CNTLN: variants seen among roughly 807,000 people sequenced by gnomAD.
The protein encoded by CNTLN is centlein, centrosomal protein.
Under a neutral mutation model 180.0 loss-of-function variants are expected in CNTLN, and 212 were observed. The observed-to-expected ratio is 1.18, with a 90% CI of 1.05 to 1.32. CNTLN has a LOEUF of 1.32. Among genes scored for constraint, CNTLN ranks in the 40% most tolerant of loss-of-function variants. The probability of loss-of-function intolerance (pLI) is 0.00; values close to 1 mark genes in which losing one functional copy is unlikely to be tolerated. For missense variants in CNTLN, 2,095 were observed against 1,610.9 expected, an observed-to-expected ratio of 1.30 and a Z score of -5.14; for synonymous variants, 722 against 563.1, an observed-to-expected ratio of 1.28 and a Z score of -3.99.
At chr9:17,467,798 G>A (rs1160004215) in intron 23 of CNTLN, among the ~76,000 whole-genome samples, 1 of 151,726 alleles carries the variant, frequency 6.6e-6, no homozygotes, top group East Asian at 1.9e-4. Flanking sequence ...TGGTGGGAAT[G>A]TAAATTAGTT....
rs1247903200 is a variant in CNTLN at position 17,387,694 on chromosome 9, G to A, written c.1988-468G>A. Among the ~76,000 whole-genome samples the A allele has an allele frequency of 3.9e-5, 6 of 152,016 alleles. No homozygotes were observed. In the South Asian group the frequency reaches 1.0e-3, roughly 26 times the overall value. The stretch of plus-strand genomic sequence containing the variant: ...GCATGATCCTTCACTTGAAAAAAAG[G>A]TTGTGGTAGGGGTTGTTACAATTTC... On this transcript the variant is annotated intron_variant, in intron 13 of 25. Coordinates refer to ENST00000380647, the MANE Select transcript of CNTLN (RefSeq NM_017738.4).
At chr9:17,365,190 C>CT (rs1005905016) in intron 12 of CNTLN, among the ~76,000 whole-genome samples, 6 of 152,074 alleles carry the variant, frequency 3.9e-5, no homozygotes, top group African/African-American at 1.4e-4. Flanking sequence ...GGACTTCCCC[C>CT]TTGCTGTTCC....
intron 23 of CNTLN, among the ~76,000 whole-genome samples, chr9:17,469,220 T>C (rs554566824): frequency 1.3e-5 from 2 of 151,960 alleles, no homozygotes; most frequent in South Asian, 2.1e-4. Flanking sequence ...TTACATTGTT[T>C]TTAAGAATTG....
chr9:17,252,075 T>A (rs1250893463), intron 5 of CNTLN, among the ~76,000 whole-genome samples: 4 of 151,970 alleles, frequency 2.6e-5, no homozygotes, highest in African/African-American at 4.8e-5. Context: ...CATTCTTTTT[T>A]ATGTCTAAGT....
At chr9:17,261,310 G>A (rs528123238) in intron 5 of CNTLN, among the ~76,000 whole-genome samples, 12 of 151,354 alleles carry the variant, frequency 7.9e-5, no homozygotes, top group African/African-American at 1.2e-4. Flanking sequence ...CATGAGCATG[G>A]CATATTTTTC....
the CNTLN span, among the ~76,000 whole-genome samples, chr9:17,523,219 A>T: frequency 3.9e-5 from 6 of 152,086 alleles, no homozygotes; most frequent in Non-Finnish European, 8.8e-5. Flanking sequence ...GTTTTAGGTA[A>T]CTTCTGATGG....
chr9:17,461,851 C>G (rs994693388), intron 19 of CNTLN, among the ~76,000 whole-genome samples: 1 of 151,610 alleles, frequency 6.6e-6, no homozygotes, highest in African/African-American at 2.4e-5. Flanking sequence ...ACCAAAAAGA[C>G]TAAGTGATGT....
At chr9:17,437,334 C>T (rs1226482750) in intron 18 of CNTLN, among the ~76,000 whole-genome samples, 1 of 152,150 alleles carries the variant, frequency 6.6e-6, no homozygotes, top group African/African-American at 2.4e-5. Flanking sequence ...ACTCTGTTTT[C>T]AGATTCATTT....
intron 18 of CNTLN, among the ~76,000 whole-genome samples, chr9:17,433,740 CA>C (rs967559782): frequency 6.6e-6 from 1 of 151,900 alleles, no homozygotes; most frequent in Admixed American, 6.6e-5. Context: ...TCACCATGCC[CA>C]ACTATTTTAA....
chr9:17,432,327 A>G (rs1829464849), intron 18 of CNTLN, among the ~76,000 whole-genome samples: 1 of 152,222 alleles, frequency 6.6e-6, no homozygotes, highest in African/African-American at 2.4e-5. Flanking sequence ...GAAAAGAACC[A>G]TAGAGAGTGT....
intron 12 of CNTLN, among the ~76,000 whole-genome samples, chr9:17,364,751 G>T (rs936169779): frequency 6.6e-6 from 1 of 152,118 alleles, no homozygotes. Context: ...AGTTGTGGAA[G>T]CCTCCCTTTA....
In CNTLN at chr9:17,332,522, A is replaced by C. The variant is rs903789337; in HGVS notation, c.1519-83A>C. ...TTTTATAATTCATTATTAGTATTCA[A>C]AATTACTTGTTCTTTAATTTTGCAT... On this transcript the variant is annotated intron_variant, in intron 9 of 25. Coordinates refer to ENST00000380647, the MANE Select transcript of CNTLN (RefSeq NM_017738.4). 61 of 1,369,394 alleles carry C rather than the reference A, an allele frequency of 4.5e-5. 1 individual carries two copies. In the South Asian group the frequency reaches 6.3e-4, roughly 14 times the overall value. The allele number at this position is 1,369,394 out of a possible 1,614,324, so 84.8% of individuals were successfully genotyped here.
At chr9:17,337,489 T>C (rs1322376182) in intron 10 of CNTLN, among the ~76,000 whole-genome samples, 4 of 152,154 alleles carry the variant, frequency 2.6e-5, no homozygotes, top group Non-Finnish European at 5.9e-5. Flanking sequence ...AAAATCAAAA[T>C]TATTTGGTAA....
chr9:17,273,907 C>T (rs1215193123), intron 6 of CNTLN, 41 bp downstream of exon 6: 1 of 1,401,168 alleles, frequency 7.1e-7, no homozygotes, highest in Non-Finnish European at 9.7e-7. Flanking sequence ...ATAGAAATGT[C>T]ATTAGTTATT....
intron 10 of CNTLN, among the ~76,000 whole-genome samples, chr9:17,334,497 A>G (rs1420542798): frequency 1.3e-5 from 2 of 152,174 alleles, no homozygotes; most frequent in Non-Finnish European, 2.9e-5. Flanking sequence ...AATTAGATTT[A>G]TATGAGATTT....
chr9:17,210,621 T>A (rs1031820608), intron 2 of CNTLN, among the ~76,000 whole-genome samples: 2 of 152,220 alleles, frequency 1.3e-5, no homozygotes. Flanking sequence ...TCTAGATCCT[T>A]GAGGAATCAC....
At chr9:17,136,348 T>C (rs2131384593) in intron 1 of CNTLN, among the ~76,000 whole-genome samples, 1 of 152,274 alleles carries the variant, frequency 6.6e-6, no homozygotes, top group East Asian at 1.9e-4. Flanking sequence ...ATAAAACAGT[T>C]CATGAAATTC....
intron 13 of CNTLN, among the ~76,000 whole-genome samples, chr9:17,375,262 CAGAGCCTGGGAAGG>C (rs1824661919): frequency 6.6e-6 from 1 of 152,036 alleles, no homozygotes; most frequent in Admixed American, 6.6e-5. Flanking sequence ...GGATGGTCAC[CAGAGCCTGGGAAGG>C]GTAGTTGGAG....
At chr9:17,179,040 C>T (rs993310143) in intron 2 of CNTLN, among the ~76,000 whole-genome samples, 1 of 151,136 alleles carries the variant, frequency 6.6e-6, no homozygotes, top group Non-Finnish European at 1.5e-5. Flanking sequence ...GTCAGGAGAT[C>T]GAGACCATCC....
Sources: allele counts gnomAD v4.1 joint callset (sites outside exome capture counted in the v4.1 genomes callset), GRCh38; gene constraint gnomAD v4.1.1; transcripts MANE v1.5; gene names NCBI Gene and HGNC (gene_info 2026-07-23, HGNC 2026-07-21).